Variants in DOCK9 observed in about 807,000 individuals in gnomAD.
The protein encoded by DOCK9 is dedicator of cytokinesis 9, also known as dedicator of cytokinesis protein 9.
A neutral mutation model predicts 263.3 loss-of-function variants in DOCK9; 89 were observed. That is an observed-to-expected ratio of 0.34 (90% CI 0.28 to 0.40). The LOEUF (loss-of-function observed/expected upper bound fraction) is 0.40, where lower values mean the gene tolerates loss of function less well. Among genes scored for constraint, DOCK9 ranks in the 10% least tolerant of loss-of-function variants. The pLI is 1.00. For synonymous variants in DOCK9, 976 were observed against 973.1 expected (o/e 1.00, Z -0.06); for missense variants, 2,140 against 2,603.4 (o/e 0.82, Z 3.87).
chr13:99,061,802 C>A (rs528474969), intron 1 of DOCK9, among the ~76,000 whole-genome samples: 1 of 152,150 alleles, frequency 6.6e-6, no homozygotes, highest in Non-Finnish European at 1.5e-5. Flanking sequence ...TAAATGTTTT[C>A]TAATTTTCCT....
chr13:98,947,681 T>C (rs1395705210), intron 2 of DOCK9, among the ~76,000 whole-genome samples: 2 of 152,074 alleles, frequency 1.3e-5, no homozygotes, highest in African/African-American at 4.8e-5. Context: ...AATTTTTGTA[T>C]TTTTGGTAGA....
rs373916117 is a variant in DOCK9, at chr13:98,930,232, C to T, written c.269G>A (p.Arg90Gln). 3.1e-6 allele frequency: 5 copies of T among 1,611,454 alleles called. No homozygotes were observed. The highest frequency in any genetic ancestry group is 1.7e-4 in the Middle Eastern group (1 of 6,060). Reference protein sequence around the residue: ...FQTAILRRQGRYICSTVPAKA... With the variant: ...FQTAILRRQGQYICSTVPAKA... ...CGCAGGCACTGTTGAGCATATGTAT[C>T]GACCCTGTCGTCTCAGGATGGCCGT... is the stretch of plus-strand genomic sequence containing the variant. Residue 90 changes from arginine (R) to glutamine (Q), a missense_variant, in exon 3 of 53, where the codon CGA (arginine) becomes CAA (glutamine). By Grantham distance (43) the Arg-to-Gln change is conservative (BLOSUM62 1). This residue lies in a region of DOCK9 where 1,521 missense variants were observed against 1,741.7 expected (regional missense o/e 0.87). Transcript: ENST00000682017.
chr13:98,946,989 G>A (rs368911081), intron 2 of DOCK9, among the ~76,000 whole-genome samples: 4 of 152,102 alleles, frequency 2.6e-5, no homozygotes, highest in East Asian at 3.9e-4. Context: ...TCATGCTCTC[G>A]GCCCCTTTCA....
chr13:99,055,505 G>A (rs1465180863), intron 1 of DOCK9, among the ~76,000 whole-genome samples: 3 of 152,122 alleles, frequency 2.0e-5, no homozygotes, highest in Non-Finnish European at 4.4e-5. Flanking sequence ...CTGTGGAGGG[G>A]ACCGCAATGG....
chr13:98,867,305 T>A (rs1000644628), intron 30 of DOCK9, 120 bp downstream of exon 30: 1 of 670,974 alleles, frequency 1.5e-6, no homozygotes, highest in East Asian at 2.8e-5. Flanking sequence ...AAGAAAAAAA[T>A]TAATTCATCA....
intron 1 of DOCK9, among the ~76,000 whole-genome samples, chr13:99,013,770 G>A (rs1033332564): frequency 1.3e-5 from 2 of 152,182 alleles, no homozygotes; most frequent in African/African-American, 4.8e-5. Context: ...TGGAGACGGG[G>A]CTGGAGGCTG....
chr13:98,959,797 T>G (rs1351490194), intron 1 of DOCK9, among the ~76,000 whole-genome samples: 2 of 152,174 alleles, frequency 1.3e-5, no homozygotes, highest in Non-Finnish European at 2.9e-5. Context: ...TTGGGAGACT[T>G]GGAGGTGGAT....
At chr13:98,841,535 A>G (rs1328343781) in intron 38 of DOCK9, among the ~76,000 whole-genome samples, 3 of 152,180 alleles carry the variant, frequency 2.0e-5, no homozygotes, top group Non-Finnish European at 4.4e-5. Context: ...TGGAAATACT[A>G]GAAAGTGTGC....
At chr13:98,802,930 G>A (rs1234687048) in intron 49 of DOCK9, among the ~76,000 whole-genome samples, 1 of 151,888 alleles carries the variant, frequency 6.6e-6, no homozygotes, top group South Asian at 2.1e-4. Flanking sequence ...AATGAAGAAC[G>A]CTCTTTCCCT....
chr13:98,883,942 AT>A, intron 21 of DOCK9, 43 bp from the exon 22 acceptor site: 1 of 1,436,438 alleles, frequency 7.0e-7, no homozygotes. Context: ...CAGATTAGTT[AT>A]TTTGGCTCTA....
chr13:99,045,157 T>C (rs1047258416), intron 1 of DOCK9, among the ~76,000 whole-genome samples: 1 of 152,156 alleles, frequency 6.6e-6, no homozygotes, highest in Non-Finnish European at 1.5e-5. Context: ...TACTACCGGG[T>C]ACTTGCCCAA....
chr13:99,075,194 A>G (rs1463807942), intron 1 of DOCK9, among the ~76,000 whole-genome samples: 1 of 152,034 alleles, frequency 6.6e-6, no homozygotes, highest in Non-Finnish European at 1.5e-5. Context: ...TTAATGACAT[A>G]CCTTTTTCTT....
chr13:98,902,837 T>C, intron 11 of DOCK9, 135 bp downstream of exon 11: 1 of 926,394 alleles, frequency 1.1e-6, no homozygotes, highest in East Asian at 2.7e-5. Flanking sequence ...GCTAACAACC[T>C]CCATATCCTG....
At position 98,818,227 on chromosome 13, in the gene DOCK9, G is replaced by A. The variant is rs572707907; in HGVS notation, c.5130+6171C>T. Among the ~76,000 whole-genome samples the A allele has an allele frequency of 1.3e-3, 192 of 152,130 alleles. 2 individuals are homozygous for A. The highest frequency in any genetic ancestry group is 2.0e-3 in the Non-Finnish European group (133 of 68,002). ...GCCAACTCTATACCTAATCCTTTAC[G>A]GCTTCTGCATCAAGTAACAATTCTT... On this transcript the variant is annotated intron_variant, in intron 45 of 52. Coordinates refer to ENST00000682017, the MANE Select transcript of DOCK9 (RefSeq NM_001366683.2).
chr13:98,930,923 C>A (rs928522165), intron 2 of DOCK9, among the ~76,000 whole-genome samples: 4 of 152,224 alleles, frequency 2.6e-5, no homozygotes, highest in Non-Finnish European at 5.9e-5. Flanking sequence ...GGATTACAGG[C>A]GTGAGCCACC....
At chr13:98,929,393 G>A (rs1298037230) in intron 3 of DOCK9, among the ~76,000 whole-genome samples, 1 of 151,790 alleles carries the variant, frequency 6.6e-6, no homozygotes, top group Non-Finnish European at 1.5e-5. Context: ...AAATACAAAG[G>A]TTAGCCAGGC....
At position 98,990,985 on chromosome 13, in the gene DOCK9, C is replaced by T. The variant is rs372952123; in HGVS notation, c.130-35434G>A. 4.6e-5 allele frequency among the ~76,000 whole-genome samples: 7 copies of T among 152,234 alleles called. No homozygotes were observed. The South Asian group carries it at 8.3e-4, about 18-fold the overall frequency. ...CAGCAAGCATTTCTTAACCACAGAG[C>T]GCTGCACAAGGTTTGGGAAATAAGG... is the stretch of plus-strand genomic sequence containing the variant. On this transcript the variant is annotated intron_variant, in intron 1 of 32. Coordinates refer to the DOCK9 transcript ENST00000427887.
At chr13:98,796,248 G>C in intron 52 of DOCK9, 1 of 1,569,030 alleles carries the variant, frequency 6.4e-7, no homozygotes, top group Non-Finnish European at 8.7e-7. Flanking sequence ...AAAAAAGCAA[G>C]TGAGTTAAAG....
chr13:98,823,308 C>T (rs764096767), intron 45 of DOCK9, among the ~76,000 whole-genome samples: 2 of 152,090 alleles, frequency 1.3e-5, no homozygotes, highest in Admixed American at 6.5e-5. Flanking sequence ...GCAAGAGTAC[C>T]GCCTCAAAGA....
Sources: allele counts gnomAD v4.1 joint callset (sites outside exome capture counted in the v4.1 genomes callset), GRCh38; gene constraint gnomAD v4.1.1; regional missense constraint gnomAD v4.1.1; transcripts MANE v1.5; gene names NCBI Gene and HGNC (gene_info 2026-07-23, HGNC 2026-07-21).